The following CNTN4 variants were observed in gnomAD, a reference collection of about 807,000 sequenced individuals.
CNTN4 encodes contactin 4, also known as contactin-4.
CNTN4 carries 77 observed loss-of-function variants against 122.5 expected under a neutral mutation model. The observed-to-expected ratio is 0.63, with a 90% CI of 0.52 to 0.76. The LOEUF (loss-of-function observed/expected upper bound fraction) is 0.76. Ranked by LOEUF, CNTN4 falls within the 30% of genes least tolerant of loss-of-function variation. CNTN4 has a pLI of 0.00. For missense variants in CNTN4, 1,256 were observed against 1,259.1 expected, an observed-to-expected ratio of 1.00 and a Z score of 0.04; for synonymous variants, 512 against 447.0, an observed-to-expected ratio of 1.15 and a Z score of -1.83.
At chr3:2,690,151 T>C (rs1474056333) in intron 4 of CNTN4, among the ~76,000 whole-genome samples, 1 of 152,178 alleles carries the variant, frequency 6.6e-6, no homozygotes, top group Admixed American at 6.6e-5. Flanking sequence ...AAAGTAAATT[T>C]ATATTCTATT....
At chr3:2,570,077 G>C (rs7640066) in intron 3 of CNTN4, among the ~76,000 whole-genome samples, 1 of 151,982 alleles carries the variant, frequency 6.6e-6, no homozygotes, top group African/African-American at 2.4e-5. Flanking sequence ...ATGAGTGGAT[G>C]AGAGGAACCA....
At chr3:2,922,608 A>ATTTTTTTTTT (rs547782541) in intron 12 of CNTN4, among the ~76,000 whole-genome samples, 2 of 110,002 alleles carry the variant, frequency 1.8e-5, no homozygotes, top group African/African-American at 3.4e-5. Flanking sequence ...AAAGAACTTG[A>ATTTTTTTTTT]TTTTTTTTTT....
intron 4 of CNTN4, among the ~76,000 whole-genome samples, chr3:2,685,821 G>C (rs1353004085): frequency 1.3e-5 from 2 of 152,046 alleles, no homozygotes; most frequent in Non-Finnish European, 2.9e-5. Context: ...AGGTGGCTGT[G>C]GTTTGGGTTT....
At chr3:2,487,980 C>T (rs2076210201) in intron 3 of CNTN4, among the ~76,000 whole-genome samples, 1 of 152,190 alleles carries the variant, frequency 6.6e-6, no homozygotes, top group East Asian at 1.9e-4. Flanking sequence ...AAACCTGTGG[C>T]TGATCAACAC....
intron 7 of CNTN4, among the ~76,000 whole-genome samples, chr3:2,832,109 G>A (rs998293725): frequency 6.6e-6 from 1 of 152,158 alleles, no homozygotes. Flanking sequence ...GTCTCTGCAA[G>A]CCAGCACTCC....
chr3:2,378,650 CTAAT>C (rs2045909703), intron 3 of CNTN4, among the ~76,000 whole-genome samples: 1 of 152,222 alleles, frequency 6.6e-6, no homozygotes, highest in African/African-American at 2.4e-5. Flanking sequence ...AGGGAAACAG[CTAAT>C]TAATTTGTGT....
At chr3:2,994,977 A>G (rs768644857) in intron 14 of CNTN4, among the ~76,000 whole-genome samples, 13 of 152,176 alleles carry the variant, frequency 8.5e-5, no homozygotes, top group Admixed American at 2.0e-4. Flanking sequence ...ACTGGAACCA[A>G]TTATTTCTGG....
chr3:2,260,660 G>T (rs2040797862), intron 2 of CNTN4, among the ~76,000 whole-genome samples: 1 of 151,666 alleles, frequency 6.6e-6, no homozygotes. Flanking sequence ...ATACAATGTT[G>T]CCTGCTAATA....
chr3:2,555,559 C>G (rs2078685179), intron 3 of CNTN4, among the ~76,000 whole-genome samples: 1 of 152,110 alleles, frequency 6.6e-6, no homozygotes, highest in Non-Finnish European at 1.5e-5. Context: ...AAGTACTAAA[C>G]TGTTATTATG....
chr3:2,368,029 C>CTTTTTTT (rs549023861), intron 3 of CNTN4, among the ~76,000 whole-genome samples: 3 of 109,820 alleles, frequency 2.7e-5, no homozygotes, highest in African/African-American at 1.1e-4. Context: ...TAGAAAACTT[C>CTTTTTTT]TTTTTTTTTT....
At chr3:2,672,208 A>C (rs2084563016) in intron 4 of CNTN4, among the ~76,000 whole-genome samples, 1 of 152,276 alleles carries the variant, frequency 6.6e-6, no homozygotes, top group Non-Finnish European at 1.5e-5. Context: ...CCCTGCCCCC[A>C]GTGGTGGAGT....
intron 8 of CNTN4, among the ~76,000 whole-genome samples, chr3:2,880,049 A>C (rs1335159621): frequency 6.6e-6 from 1 of 152,162 alleles, no homozygotes; most frequent in Non-Finnish European, 1.5e-5. Flanking sequence ...ATAGGATTTT[A>C]GGACGCGGAG....
chr3:2,453,052 A>G (rs2048886212), intron 3 of CNTN4, among the ~76,000 whole-genome samples: 1 of 152,154 alleles, frequency 6.6e-6, no homozygotes, highest in African/African-American at 2.4e-5. Flanking sequence ...AAAATGATAT[A>G]CACTGAAGCA....
intron 3 of CNTN4, among the ~76,000 whole-genome samples, chr3:2,398,691 A>G (rs568616668): frequency 1.3e-5 from 2 of 152,170 alleles, no homozygotes; most frequent in South Asian, 2.1e-4. Flanking sequence ...CTTGATAAGC[A>G]TCTCCAAAAT....
chr3:2,546,169 A>G (rs2078236744), intron 3 of CNTN4, among the ~76,000 whole-genome samples: 1 of 152,102 alleles, frequency 6.6e-6, no homozygotes, highest in Admixed American at 6.6e-5. Flanking sequence ...ATTACAGGTT[A>G]TATACCCAAA....
intron 2 of CNTN4, among the ~76,000 whole-genome samples, chr3:2,129,266 A>G (rs2034332179): frequency 6.9e-6 from 1 of 144,952 alleles, no homozygotes; most frequent in African/African-American, 2.6e-5. Flanking sequence ...CAAACCTGCA[A>G]AAAAAAAAAA....
intron 2 of CNTN4, among the ~76,000 whole-genome samples, chr3:2,168,886 A>G (rs1237501327): frequency 2.6e-5 from 4 of 152,222 alleles, no homozygotes; most frequent in Admixed American, 6.5e-5. Flanking sequence ...TCCTGCTTAA[A>G]TGAATTGCCA....
At chr3:2,160,225 G>C (rs576668636) in intron 2 of CNTN4, among the ~76,000 whole-genome samples, 1 of 152,216 alleles carries the variant, frequency 6.6e-6, no homozygotes, top group South Asian at 2.1e-4. Context: ...GAATGCTGGA[G>C]GTGGAAGGCA....
At chr3:2,585,449 T>C (rs1383177944) in intron 4 of CNTN4, among the ~76,000 whole-genome samples, 3 of 152,014 alleles carry the variant, frequency 2.0e-5, no homozygotes, top group Non-Finnish European at 4.4e-5. Context: ...CAAATGTCCA[T>C]CAGTGATAGA....
Sources: gnomAD v4.1 joint callset for allele counts (sites outside exome capture counted in the v4.1 genomes callset) on GRCh38, gnomAD v4.1.1 for gene constraint, MANE v1.5 for transcripts, NCBI Gene and HGNC (gene_info 2026-07-23, HGNC 2026-07-21) for gene names.